Variants in CLEC12A observed in about 807,000 individuals in gnomAD.
CLEC12A encodes C-type lectin domain family 12 member A.
In CLEC12A, 22 loss-of-function variants were observed where a neutral mutation model predicts 26.5. That is an observed-to-expected ratio of 0.83 (90% confidence interval 0.59 to 1.19). The LOEUF is 1.19. CLEC12A is among the 50% of genes most tolerant of loss of function. CLEC12A has a pLI of 0.00. For synonymous variants in CLEC12A, 119 were observed against 101.9 expected (o/e 1.17, Z -1.01); for missense variants, 353 against 315.6 (o/e 1.12, Z -0.90).
chr12:10,002,201 A>G, the CLEC12A span, among the ~76,000 whole-genome samples: 586 of 152,150 alleles, frequency 3.9e-3, 3 homozygotes, highest in African/African-American at 0.013. Flanking sequence ...CTTTATTCCA[A>G]ATTTCCTGAT....
intron 1 of CLEC12A, among the ~76,000 whole-genome samples, chr12:9,962,311 T>C (rs1863846274): frequency 6.6e-6 from 1 of 150,726 alleles, no homozygotes; most frequent in Non-Finnish European, 1.5e-5. Flanking sequence ...CCTGAGTATA[T>C]CACTGTCACT....
chr12:9,984,704 A>G (rs1206989371), intron 5 of CLEC12A, among the ~76,000 whole-genome samples, 166 bp from the exon 6 acceptor site: 1 of 152,254 alleles, frequency 6.6e-6, no homozygotes, highest in Non-Finnish European at 1.5e-5. Context: ...TGTTAACATA[A>G]ACAATTAACT....
chr12:9,985,539 T>C lies in CLEC12A; in HGVS notation c.*513T>C. 3 of 398,624 alleles carry C rather than the reference T, an allele frequency of 7.5e-6. No individual in the cohort carries two copies. The highest frequency in any genetic ancestry group is 4.4e-5 in the Admixed American group (1 of 22,740). The allele number at this position is 398,624 out of a possible 1,614,324, so 24.7% of individuals were successfully genotyped here. ...AAGAATGGATATGGACATGCATTTA[T>C]TACCTCTTAAAATTATTATTTTAAG... On this transcript the variant is annotated 3_prime_UTR_variant, in exon 6 of 6. Coordinates refer to ENST00000304361, the MANE Select transcript of CLEC12A (RefSeq NM_138337.6).
At chr12:9,977,001 A>C (rs760747930) in intron 1 of CLEC12A, among the ~76,000 whole-genome samples, 20 of 152,216 alleles carry the variant, frequency 1.3e-4, no homozygotes, top group Admixed American at 2.6e-4. Flanking sequence ...GAAACTGTGA[A>C]TCCATTAAAC....
chr12:9,996,604 AT>A (rs67059054), downstream of CLEC12A: 341,738 of 601,186 alleles, frequency 0.57, 98,831 homozygotes, highest in East Asian at 0.71. Context: ...GTGACCCACT[AT>A]GTACCTGAGC....
At chr12:9,966,064 TG>T (rs1368557118) in intron 1 of CLEC12A, among the ~76,000 whole-genome samples, 1 of 151,910 alleles carries the variant, frequency 6.6e-6, no homozygotes, top group Non-Finnish European at 1.5e-5. Context: ...ACTAGGCAGG[TG>T]GGGATAACTA....
rs1443359836 is a variant in CLEC12A at position 9,985,227 on chromosome 12, C to T, written c.*201C>T. 1 of 477,064 alleles carries T rather than the reference C, an allele frequency of 2.1e-6. No homozygotes were observed. Among genetic ancestry groups the T allele is most frequent in the East Asian group, 3.5e-5 (1 of 28,414 alleles). The allele number at this position is 477,064 out of a possible 1,614,324, so 29.6% of individuals were successfully genotyped here. Reference sequence around the variant, plus strand: ...CCAGAGAGGTATAATGAAGCATGTCCCACCTCCCACTTTCCATCATGGCCT... The same window carrying T: ...CCAGAGAGGTATAATGAAGCATGTCTCACCTCCCACTTTCCATCATGGCCT... On this transcript the variant is annotated 3_prime_UTR_variant, in exon 6 of 6. Coordinates refer to ENST00000304361, the MANE Select transcript of CLEC12A (RefSeq NM_138337.6).
chr12:9,954,320 C>G (rs1157124868), intron 1 of CLEC12A, among the ~76,000 whole-genome samples: 2 of 150,836 alleles, frequency 1.3e-5, no homozygotes, highest in Non-Finnish European at 2.9e-5. Context: ...CATGGTGAAA[C>G]CCTGTCTCTA....
chr12:9,968,873 G>T (rs767453865), upstream of CLEC12A, among the ~76,000 whole-genome samples: 17 of 152,090 alleles, frequency 1.1e-4, no homozygotes, highest in Non-Finnish European at 2.1e-4. Flanking sequence ...ACATGGGAGT[G>T]CAGGTATCTA....
At chr12:9,987,742 T>C (rs1343367778), downstream of CLEC12A, among the ~76,000 whole-genome samples, 1 of 151,746 alleles carries the variant, frequency 6.6e-6, no homozygotes, top group Non-Finnish European at 1.5e-5. Context: ...CTGTATGTTT[T>C]TGTTTGTTTT....
chr12:9,966,634 T>C (rs1003063818), upstream of CLEC12A, among the ~76,000 whole-genome samples: 2 of 152,040 alleles, frequency 1.3e-5, no homozygotes, highest in African/African-American at 4.8e-5. Context: ...TGTCTCACAG[T>C]GGAGGCAAGG....
chr12:9,995,297 G>T (rs763607837), exon 5 of CLEC12A: 1 of 1,455,186 alleles, frequency 6.9e-7, no homozygotes, highest in Non-Finnish European at 9.6e-7. Context: ...CACAGCTCTT[G>T]GTATGATAGA....
intron 1 of CLEC12A, among the ~76,000 whole-genome samples, chr12:9,976,420 G>A (rs946152467): frequency 1.3e-5 from 2 of 152,206 alleles, no homozygotes; most frequent in Non-Finnish European, 2.9e-5. Flanking sequence ...TGATTTTGGA[G>A]CTTTAAGATT....
intron 1 of CLEC12A, among the ~76,000 whole-genome samples, chr12:9,959,452 CAA>C (rs57106602): frequency 0.33 from 45,929 of 140,658 alleles, 7,507 homozygotes; most frequent in East Asian, 0.48. Context: ...AACTCTGTCT[CAA>C]AAAAAAAAAA....
At chr12:9,980,448 A>AAT in intron 3 of CLEC12A, 134 bp from the exon 4 acceptor site, 1 of 838,008 alleles carries the variant, frequency 1.2e-6, no homozygotes, top group Non-Finnish European at 1.8e-6. Flanking sequence ...AAAAAAAAAA[A>AAT]GGGGGAAAGA....
intron 5 of CLEC12A, among the ~76,000 whole-genome samples, chr12:9,982,733 T>A (rs1197330842): frequency 1.3e-5 from 2 of 152,160 alleles, no homozygotes; most frequent in African/African-American, 4.8e-5. Context: ...AGTGTAACCA[T>A]AACCTGGATA....
At chr12:9,990,492 C>T (rs1385674092), downstream of CLEC12A, among the ~76,000 whole-genome samples, 2 of 152,128 alleles carry the variant, frequency 1.3e-5, no homozygotes, top group East Asian at 3.8e-4. Context: ...GGAAGTGGAG[C>T]CTGAAGATGT....
At chr12:9,955,174 C>G (rs1163167474) in intron 1 of CLEC12A, among the ~76,000 whole-genome samples, 3 of 152,156 alleles carry the variant, frequency 2.0e-5, no homozygotes, top group African/African-American at 7.2e-5. Context: ...GCAAGCTCTG[C>G]CTCCCGGGTT....
chr12:9,976,364 T>C (rs904452619), intron 1 of CLEC12A, among the ~76,000 whole-genome samples: 2 of 152,200 alleles, frequency 1.3e-5, no homozygotes, highest in Non-Finnish European at 2.9e-5. Flanking sequence ...GGAGCCTACC[T>C]CTTGCATCAG....
Sources: gnomAD v4.1 joint callset for allele counts (sites outside exome capture counted in the v4.1 genomes callset) on GRCh38, gnomAD v4.1.1 for gene constraint, MANE v1.5 for transcripts, NCBI Gene and HGNC (gene_info 2026-07-23, HGNC 2026-07-21) for gene names.